SUGCT: variants seen among roughly 807,000 people sequenced by gnomAD.
SUGCT encodes the protein succinyl-CoA:glutarate-CoA transferase.
In SUGCT, 41 loss-of-function variants were observed where a neutral mutation model predicts 55.0. The observed-to-expected ratio is 0.74, with a 90% CI of 0.58 to 0.97. The LOEUF (loss-of-function observed/expected upper bound fraction) is 0.97, where lower values mean the gene tolerates loss of function less well. Ranked by LOEUF, SUGCT falls within the 50% of genes least tolerant of loss-of-function variation. The pLI is 0.00. For missense variants in SUGCT, 568 were observed against 547.8 expected (o/e 1.04, Z -0.37); for synonymous variants, 187 against 200.4 (o/e 0.93, Z 0.56).
intron 8 of SUGCT, among the ~76,000 whole-genome samples, chr7:40,285,628 C>G (rs1209231086): frequency 2.0e-5 from 3 of 151,944 alleles, no homozygotes; most frequent in Non-Finnish European, 4.4e-5. Flanking sequence ...TCTCTTTGGT[C>G]CCAACTATTA....
At chr7:40,306,015 T>G (rs938499134) in intron 8 of SUGCT, among the ~76,000 whole-genome samples, 1 of 152,156 alleles carries the variant, frequency 6.6e-6, no homozygotes, top group Non-Finnish European at 1.5e-5. Flanking sequence ...CCTTTATTCT[T>G]TCTGCTCACC....
intron 9 of SUGCT, among the ~76,000 whole-genome samples, chr7:40,405,825 A>G (rs964234132): frequency 5.9e-4 from 89 of 151,544 alleles, no homozygotes; most frequent in Non-Finnish European, 2.2e-4. Context: ...AAAAAAAAAA[A>G]AAAAAGAAAA....
intron 12 of SUGCT, among the ~76,000 whole-genome samples, chr7:40,735,239 C>T (rs539128682): frequency 2.5e-4 from 38 of 152,262 alleles, no homozygotes; most frequent in Middle Eastern, 3.4e-3. Flanking sequence ...AGATGTAAGT[C>T]GGGACTTCGA....
intron 12 of SUGCT, among the ~76,000 whole-genome samples, chr7:40,709,799 C>T (rs1433359394): frequency 6.6e-6 from 1 of 152,184 alleles, no homozygotes; most frequent in Non-Finnish European, 1.5e-5. Flanking sequence ...TTCAGAATCA[C>T]TTGGAGGGTG....
intron 12 of SUGCT, among the ~76,000 whole-genome samples, chr7:40,570,788 A>G (rs1796399211): frequency 6.6e-6 from 1 of 151,522 alleles, no homozygotes; most frequent in Non-Finnish European, 1.5e-5. Flanking sequence ...TGTCTAAACT[A>G]AGAGTAAAAC....
At chr7:40,905,795 T>C in the SUGCT span, among the ~76,000 whole-genome samples, 1 of 152,046 alleles carries the variant, frequency 6.6e-6, no homozygotes, top group African/African-American at 2.4e-5. Context: ...CATAGTTCAT[T>C]GCAGCCTCAA....
chr7:40,474,311 G>A (rs551163327), intron 11 of SUGCT, among the ~76,000 whole-genome samples: 1 of 152,034 alleles, frequency 6.6e-6, no homozygotes, highest in African/African-American at 2.4e-5. Context: ...TTGAGTGTGG[G>A]GGGCAGAGGG....
intron 12 of SUGCT, among the ~76,000 whole-genome samples, chr7:40,708,951 A>T (rs1489319160): frequency 6.6e-6 from 1 of 152,200 alleles, no homozygotes; most frequent in Non-Finnish European, 1.5e-5. Context: ...AGAGTTTACC[A>T]TAGAGGTCCC....
At chr7:40,969,290 T>C in the SUGCT span, among the ~76,000 whole-genome samples, 11 of 152,212 alleles carry the variant, frequency 7.2e-5, no homozygotes, top group Non-Finnish European at 1.5e-4. Flanking sequence ...ACTGATGAAA[T>C]AAAGATTATT....
chr7:40,269,708 G>T (rs1791877298), intron 7 of SUGCT, among the ~76,000 whole-genome samples: 1 of 152,076 alleles, frequency 6.6e-6, no homozygotes, highest in Non-Finnish European at 1.5e-5. Flanking sequence ...TTCTCTGATG[G>T]CTAATGATAT....
the SUGCT span, among the ~76,000 whole-genome samples, chr7:40,962,875 T>G: frequency 3.3e-5 from 5 of 152,116 alleles, no homozygotes; most frequent in Admixed American, 6.5e-5. Context: ...CCCAGCTTGT[T>G]TATTTTCAAA....
intron 8 of SUGCT, among the ~76,000 whole-genome samples, chr7:40,294,692 G>A (rs1313743288): frequency 6.6e-6 from 1 of 152,036 alleles, no homozygotes; most frequent in Non-Finnish European, 1.5e-5. Flanking sequence ...GATTACAGGT[G>A]CCCACCACCA....
chr7:40,727,985 T>C lies in SUGCT; in HGVS notation c.1090-21449T>C, dbSNP rs148857333. The stretch of plus-strand genomic sequence containing the variant: ...TATTATTCTAGTTTTAGACAGGTTC[T>C]TACCAATTAGATACTACAAGTATTC... On this transcript the variant is annotated intron_variant, in intron 12 of 13. Transcript: ENST00000335693. 5.0e-3 allele frequency among the ~76,000 whole-genome samples: 757 copies of C among 152,312 alleles called. 3 individuals carry two copies. The highest frequency in any genetic ancestry group is 0.018 in the African/African-American group (730 of 41,568).
chr7:40,467,327 C>T lies in SUGCT; in HGVS notation c.986+8129C>T, dbSNP rs548004053. ...TTTAATTTTTGGAGTACCTAGTGTACGTCTATAAATTTATGGGTAGCATGA... is the reference window on the plus strand; with the variant it reads ...TTTAATTTTTGGAGTACCTAGTGTATGTCTATAAATTTATGGGTAGCATGA... On this transcript the variant is annotated intron_variant, in intron 11 of 13. Transcript: ENST00000335693. Among the ~76,000 whole-genome samples the T allele has an allele frequency of 4.6e-5, 7 of 150,794 alleles. No individual in the cohort carries two copies. In the East Asian group the frequency reaches 5.8e-4, roughly 13 times the overall value.
At chr7:40,527,212 C>G (rs1353159401) in intron 12 of SUGCT, among the ~76,000 whole-genome samples, 1 of 152,128 alleles carries the variant, frequency 6.6e-6, no homozygotes, top group African/African-American at 2.4e-5. Flanking sequence ...GTTTGAAATT[C>G]TTTTTCAAAT....
intron 12 of SUGCT, among the ~76,000 whole-genome samples, chr7:40,675,409 G>C (rs544901661): frequency 2.6e-5 from 4 of 152,270 alleles, no homozygotes; most frequent in Admixed American, 2.6e-4. Context: ...AATATATGTT[G>C]CCTATATGCA....
intron 12 of SUGCT, among the ~76,000 whole-genome samples, chr7:40,706,936 A>G (rs912879090): frequency 6.6e-6 from 1 of 152,178 alleles, no homozygotes. Context: ...CTGCTCCTTA[A>G]AAGAGTCTTC....
intron 12 of SUGCT, among the ~76,000 whole-genome samples, chr7:40,617,511 G>T (rs2151784933): frequency 6.7e-6 from 1 of 149,966 alleles, no homozygotes; most frequent in South Asian, 2.1e-4. Context: ...GTGTGTGTGT[G>T]TGCATGTTTT....
At chr7:40,463,955 G>A (rs898950965) in intron 11 of SUGCT, among the ~76,000 whole-genome samples, 1 of 152,138 alleles carries the variant, frequency 6.6e-6, no homozygotes, top group Non-Finnish European at 1.5e-5. Flanking sequence ...CAATGCTAAG[G>A]AGCAACAAAC....
Sources: gnomAD v4.1 joint callset for allele counts (sites outside exome capture counted in the v4.1 genomes callset) on GRCh38, gnomAD v4.1.1 for gene constraint, MANE v1.5 for transcripts, NCBI Gene and HGNC (gene_info 2026-07-23, HGNC 2026-07-21) for gene names.